The following SAMTOR variants were observed in gnomAD, a reference collection of about 807,000 sequenced individuals.
SAMTOR encodes the protein S-adenosylmethionine sensor upstream of mTORC1, also known as UPF0532 protein C7orf60.
At chr7:112,856,130 A>G in the SAMTOR span, among the ~76,000 whole-genome samples, 4 of 152,198 alleles carry the variant, frequency 2.6e-5, no homozygotes, top group Non-Finnish European at 4.4e-5. Context: ...ATTCAGTTAA[A>G]TGAATGTCAT....
At chr7:112,820,199 T>C in the SAMTOR span, 1 of 152,518 alleles carries the variant, frequency 6.6e-6, no homozygotes, top group Non-Finnish European at 1.5e-5. Flanking sequence ...ACTGGGTACA[T>C]ACACTCAACC....
chr7:112,902,895 C>A, the SAMTOR span, among the ~76,000 whole-genome samples: 1 of 152,204 alleles, frequency 6.6e-6, no homozygotes, highest in Admixed American at 6.5e-5. Context: ...ATGTATTAAA[C>A]TGAGAGGGAC....
At chr7:112,919,403 G>C in the SAMTOR span, among the ~76,000 whole-genome samples, 3 of 152,004 alleles carry the variant, frequency 2.0e-5, no homozygotes, top group Non-Finnish European at 2.9e-5. Context: ...AAACCAACGA[G>C]AACAAAGATA....
chr7:112,861,978 G>A, the SAMTOR span, among the ~76,000 whole-genome samples: 1 of 152,218 alleles, frequency 6.6e-6, no homozygotes, highest in Non-Finnish European at 1.5e-5. Flanking sequence ...AAGAGGCCAG[G>A]TACAGCGGCT....
chr7:112,874,094 G>A, the SAMTOR span, among the ~76,000 whole-genome samples: 1 of 152,110 alleles, frequency 6.6e-6, no homozygotes, highest in African/African-American at 2.4e-5. Flanking sequence ...ATACATTGTT[G>A]GTGGGAATGT....
the SAMTOR span, among the ~76,000 whole-genome samples, chr7:112,891,763 T>A: frequency 5.3e-5 from 8 of 152,358 alleles, no homozygotes; most frequent in Admixed American, 4.6e-4. Flanking sequence ...TTTAAAATAC[T>A]TTATGGCTAA....
the SAMTOR span, among the ~76,000 whole-genome samples, chr7:112,885,360 G>C: frequency 6.6e-6 from 1 of 152,112 alleles, no homozygotes; most frequent in Non-Finnish European, 1.5e-5. Flanking sequence ...CCAGAAAACG[G>C]GTTTTTCTTT....
chr7:112,842,079 T>C, the SAMTOR span, among the ~76,000 whole-genome samples: 2 of 152,000 alleles, frequency 1.3e-5, no homozygotes, highest in African/African-American at 2.4e-5. Context: ...TCATACATGC[T>C]TAGTAATGAT....
At chr7:112,839,926 A>C in the SAMTOR span, among the ~76,000 whole-genome samples, 3 of 151,930 alleles carry the variant, frequency 2.0e-5, no homozygotes, top group Non-Finnish European at 4.4e-5. Flanking sequence ...TGTTTTGGAT[A>C]TCTCTCATAA....
the SAMTOR span, chr7:112,935,120 A>G: frequency 2.9e-5 from 10 of 347,116 alleles, no homozygotes; most frequent in South Asian, 2.3e-4. Flanking sequence ...TCTATCACAA[A>G]AAGCTTTCTG....
the SAMTOR span, among the ~76,000 whole-genome samples, chr7:112,893,727 C>T: frequency 6.6e-6 from 1 of 152,174 alleles, no homozygotes; most frequent in Non-Finnish European, 1.5e-5. Context: ...CATGGTGAAA[C>T]CCCGTCTCTA....
chr7:112,922,376 A>G, the SAMTOR span, among the ~76,000 whole-genome samples: 2 of 151,722 alleles, frequency 1.3e-5, no homozygotes, highest in African/African-American at 4.8e-5. Flanking sequence ...CCCAGCCGCC[A>G]CCCTGTCTGG....
At chr7:112,863,141 A>G in the SAMTOR span, among the ~76,000 whole-genome samples, 1 of 152,184 alleles carries the variant, frequency 6.6e-6, no homozygotes, top group African/African-American at 2.4e-5. Flanking sequence ...CACACCTACA[A>G]GCATCTGATC....
At chr7:112,935,043 A>T in the SAMTOR span, 2 of 242,956 alleles carry the variant, frequency 8.2e-6, no homozygotes, top group Admixed American at 1.1e-4. Context: ...AAACTCTCCT[A>T]GTGCAAACTT....
chr7:112,861,826 C>T, the SAMTOR span, among the ~76,000 whole-genome samples: 50,284 of 152,032 alleles, frequency 0.33, 9,761 homozygotes, highest in African/African-American at 0.54. Context: ...AACCTTTTCC[C>T]GAATAGTCTA....
chr7:112,894,852 C>A, the SAMTOR span, among the ~76,000 whole-genome samples: 3 of 152,090 alleles, frequency 2.0e-5, no homozygotes, highest in Non-Finnish European at 2.9e-5. Context: ...TGGTGCCAAT[C>A]GACTTGCTTG....
the SAMTOR span, among the ~76,000 whole-genome samples, chr7:112,914,195 C>T: frequency 6.7e-6 from 1 of 150,252 alleles, no homozygotes; most frequent in Non-Finnish European, 1.5e-5. Context: ...AAATGTAAAC[C>T]AGAAGTTATC....
chr7:112,920,448 C>T, the SAMTOR span, among the ~76,000 whole-genome samples: 25 of 149,116 alleles, frequency 1.7e-4, no homozygotes, highest in African/African-American at 5.0e-4. Context: ...TGGGACATAT[C>T]TCAAAATAAT....
the SAMTOR span, among the ~76,000 whole-genome samples, chr7:112,841,523 G>A: frequency 6.6e-6 from 1 of 152,018 alleles, no homozygotes; most frequent in Non-Finnish European, 1.5e-5. Flanking sequence ...TAGATTTAAT[G>A]CTATCCCCAT....
Sources: gnomAD v4.1 joint callset for allele counts (sites outside exome capture counted in the v4.1 genomes callset) on GRCh38, gnomAD v4.1.1 for gene constraint, MANE v1.5 for transcripts, NCBI Gene and HGNC (gene_info 2026-07-23, HGNC 2026-07-21) for gene names.